NTRK2: variants seen among roughly 807,000 people sequenced by gnomAD.
NTRK2 encodes neurotrophic receptor tyrosine kinase 2, also known as BDNF/NT-3 growth factors receptor.
A neutral mutation model predicts 94.5 loss-of-function variants in NTRK2; 13 were observed. The observed-to-expected ratio is 0.14, with a 90% CI of 0.09 to 0.22. The LOEUF is 0.22. NTRK2 is among the 10% of genes least tolerant of loss of function. The pLI, the probability that NTRK2 is intolerant of heterozygous loss-of-function variation, is 1.00. For synonymous variants in NTRK2, 372 were observed against 407.4 expected, an observed-to-expected ratio of 0.91 and a Z score of 1.05; for missense variants, 639 against 1,071.2, an observed-to-expected ratio of 0.60 and a Z score of 5.63.
At chr9:84,899,705 A>T (rs1020331086) in intron 14 of NTRK2, among the ~76,000 whole-genome samples, 2 of 152,168 alleles carry the variant, frequency 1.3e-5, no homozygotes, top group Admixed American at 6.5e-5. Context: ...TATTGGGGTG[A>T]TAGAGGGAAG....
At chr9:84,798,508 C>T (rs1462341057) in intron 12 of NTRK2, among the ~76,000 whole-genome samples, 1 of 152,152 alleles carries the variant, frequency 6.6e-6, no homozygotes, top group African/African-American at 2.4e-5. Context: ...CTGAGTCTGC[C>T]CTTGGCTGGC....
At chr9:84,744,614 G>A (rs947050434) in intron 10 of NTRK2, among the ~76,000 whole-genome samples, 3 of 151,930 alleles carry the variant, frequency 2.0e-5, no homozygotes, top group Admixed American at 1.3e-4. Flanking sequence ...GACCTTTCCG[G>A]GTCTATAAAT....
At chr9:84,988,239 A>G (rs368576061) in intron 17 of NTRK2, among the ~76,000 whole-genome samples, 32 of 152,330 alleles carry the variant, frequency 2.1e-4, no homozygotes, top group African/African-American at 7.2e-4. Flanking sequence ...GAGGAGGGCC[A>G]TAGATAGGCT....
intron 7 of NTRK2, 128 bp downstream of exon 7, chr9:84,723,837 T>C (rs2062243207): frequency 7.8e-7 from 1 of 1,287,976 alleles, no homozygotes; most frequent in East Asian, 2.3e-5. Flanking sequence ...CAAAGAGTTT[T>C]TGATGTACAT....
intron 4 of NTRK2, among the ~76,000 whole-genome samples, chr9:84,703,891 CAA>C (rs1416215806): frequency 6.6e-6 from 1 of 152,188 alleles, no homozygotes; most frequent in African/African-American, 2.4e-5. Context: ...ATAGCATAAA[CAA>C]GAGAGAAGTT....
intron 12 of NTRK2, 77 bp downstream of exon 12, chr9:84,752,162 A>T (rs1023645924): frequency 1.7e-5 from 18 of 1,090,694 alleles, no homozygotes; most frequent in Non-Finnish European, 2.3e-5. Context: ...ACCACTAAAG[A>T]AGGAAGTGGC....
intron 12 of NTRK2, among the ~76,000 whole-genome samples, chr9:84,759,623 C>T (rs930299642): frequency 1.3e-5 from 2 of 152,228 alleles, no homozygotes; most frequent in Admixed American, 1.3e-4. Flanking sequence ...ATTGTTACCA[C>T]TTCTTTGGTC....
At chr9:84,801,889 A>G (rs1015136839) in intron 12 of NTRK2, among the ~76,000 whole-genome samples, 4 of 152,240 alleles carry the variant, frequency 2.6e-5, no homozygotes, top group Non-Finnish European at 5.9e-5. Context: ...CCATGTAATT[A>G]CACTGTGTCT....
chr9:84,921,700 A>T (rs2077571868), intron 14 of NTRK2, among the ~76,000 whole-genome samples: 1 of 152,228 alleles, frequency 6.6e-6, no homozygotes, highest in Admixed American at 6.5e-5. Flanking sequence ...AGTTAATAGA[A>T]GAATGAAAAA....
intron 6 of NTRK2, among the ~76,000 whole-genome samples, chr9:84,722,168 T>C (rs1370585523): frequency 7.0e-6 from 1 of 143,360 alleles, no homozygotes; most frequent in Non-Finnish European, 1.5e-5. Context: ...GGCTTTTTTT[T>C]TTTTTTTTTT....
chr9:84,934,263 G>C lies in NTRK2; in HGVS notation c.1735G>C (p.Glu579Gln), dbSNP rs1564478478. ...FLAECYNLCP[E>Q]QDKILVAVKT... ...AGCTGAATGCTATAACCTCTGTCCT[G>C]AGCAGGACAAGATCTTGGTGGCAGT... The change falls in exon 15 of 19, where the codon GAG becomes CAG. Residue 579 changes from glutamate (E) to glutamine (Q), a missense_variant. Physicochemically the swap from Glu to Gln is conservative, Grantham distance 29 (BLOSUM62 2). Transcript: ENST00000277120. 6.2e-7 allele frequency: 1 copy of C among 1,614,014 alleles called. No homozygotes were observed. Among genetic ancestry groups the C allele is most frequent in the Admixed American group, 1.7e-5 (1 of 60,012 alleles).
chr9:85,014,151 G>A (rs1831952641), intron 17 of NTRK2, among the ~76,000 whole-genome samples: 1 of 152,180 alleles, frequency 6.6e-6, no homozygotes, highest in South Asian at 2.1e-4. Context: ...ATTTGGGTCT[G>A]GACAAGTGAG....
At chr9:84,855,577 G>A (rs1412155405) in intron 12 of NTRK2, among the ~76,000 whole-genome samples, 1 of 147,864 alleles carries the variant, frequency 6.8e-6, no homozygotes, top group Admixed American at 6.7e-5. Context: ...AAAACCTCAA[G>A]CATATTTTTT....
In NTRK2 at chr9:84,797,620, C is replaced by CTGTATAT. The variant is rs1564297169; in HGVS notation, c.1396+45536_1396+45537insGTATATT. Among the ~76,000 whole-genome samples, 140 of 63,156 alleles carry CTGTATAT rather than the reference C, an allele frequency of 2.2e-3. 13 individuals carry two copies. The highest frequency in any genetic ancestry group is 9.1e-3 in the Middle Eastern group (1 of 110). The allele number at this position is 63,156 out of a possible 152,430, so 41.4% of individuals were successfully genotyped here. On this transcript the variant is annotated intron_variant, in intron 12 of 18. Coordinates refer to ENST00000277120, the MANE Select transcript of NTRK2 (RefSeq NM_006180.6). Reference sequence around the variant, plus strand: ...CTATATATTATATATAATATATATACTATATATTATATATTATATATACTA... The same window carrying CTGTATAT: ...CTATATATTATATATAATATATATACTGTATATTATATATTATATATTATATATACTA...
At chr9:84,819,668 T>C (rs2133676934) in intron 12 of NTRK2, among the ~76,000 whole-genome samples, 1 of 152,234 alleles carries the variant, frequency 6.6e-6, no homozygotes, top group East Asian at 1.9e-4. Context: ...ATGTCTGTTG[T>C]GTTCCCCCTG....
Position 84,799,014 on chromosome 9 carries a change from G to A in NTRK2, c.1396+46929G>A, listed in dbSNP as rs996884817. Among the ~76,000 whole-genome samples, 6 of 150,328 alleles carry A rather than the reference G, an allele frequency of 4.0e-5. No homozygotes were observed. The South Asian group carries it at 6.3e-4, about 16-fold the overall frequency. On this transcript the variant is annotated intron_variant, in intron 12 of 18. Coordinates refer to ENST00000277120, the MANE Select transcript of NTRK2 (RefSeq NM_006180.6). Reference sequence around the variant, plus strand: ...TCCATTTTATAGGCAAGAAAACTGAGGCAACTTGCCCAAGGTCACACAGTC... The same window carrying A: ...TCCATTTTATAGGCAAGAAAACTGAAGCAACTTGCCCAAGGTCACACAGTC...
At chr9:84,802,585 G>A (rs1405375904) in intron 12 of NTRK2, among the ~76,000 whole-genome samples, 1 of 152,200 alleles carries the variant, frequency 6.6e-6, no homozygotes, top group East Asian at 1.9e-4. Flanking sequence ...AAATAAAAAT[G>A]TCCCTGACAG....
chr9:84,813,149 T>C, intron 12 of NTRK2: 1 of 1,044,482 alleles, frequency 9.6e-7, no homozygotes, highest in Middle Eastern at 4.4e-4. Context: ...GGCCTGTCAC[T>C]CTCCAATAAA....
Position 84,903,235 on chromosome 9 carries a change from T to C in NTRK2, c.1634-30927T>C, listed in dbSNP as rs569014744. ...TTGGTGCTTGTGGTGCTATTGGCTC[T>C]CTTGCAGCTATAGGTGTGATACAGT... On this transcript the variant is annotated intron_variant, in intron 14 of 18. Coordinates refer to ENST00000277120, the MANE Select transcript of NTRK2 (RefSeq NM_006180.6). Among the ~76,000 whole-genome samples the C allele has an allele frequency of 7.2e-5, 11 of 152,350 alleles. 1 individual carries two copies. The South Asian group carries it at 2.3e-3, about 32-fold the overall frequency.
Sources: allele counts gnomAD v4.1 joint callset (sites outside exome capture counted in the v4.1 genomes callset), GRCh38; gene constraint gnomAD v4.1.1; transcripts MANE v1.5; gene names NCBI Gene and HGNC (gene_info 2026-07-23, HGNC 2026-07-21).